TMEM63B: variants seen among roughly 807,000 people sequenced by gnomAD.
The protein encoded by TMEM63B is transmembrane protein 63B, also known as mechanosensitive cation channel TMEM63B.
Under a neutral mutation model 102.6 loss-of-function variants are expected in TMEM63B, and 23 were observed. The observed-to-expected ratio is 0.22, with a 90% CI of 0.16 to 0.32. The LOEUF is 0.32. Among genes scored for constraint, TMEM63B ranks in the 10% least tolerant of loss-of-function variants. TMEM63B has a pLI of 1.00. For missense variants in TMEM63B, 628 were observed against 1,095.9 expected (o/e 0.57, Z 6.03); for synonymous variants, 444 against 437.0 (o/e 1.02, Z -0.20).
intron 2 of TMEM63B, 122 bp downstream of exon 2, chr6:44,134,865 C>T (rs1762608949): frequency 2.7e-6 from 4 of 1,491,912 alleles, no homozygotes; most frequent in Admixed American, 1.8e-5. Flanking sequence ...GGAGGAGTCC[C>T]CATCATCCAG....
rs1422618117 is a variant in TMEM63B at position 44,148,201 on chromosome 6, C to T, written c.988-51C>T. 1.2e-6 allele frequency: 2 copies of T among 1,608,262 alleles called. No individual in the cohort carries two copies. The highest frequency in any genetic ancestry group is 2.2e-5 in the South Asian group (2 of 90,556). On this transcript the variant is annotated intron_variant, in intron 12 of 23. Coordinates refer to ENST00000323267, the MANE Select transcript of TMEM63B (RefSeq NM_018426.3). This position sits in a 1 kb window ranked among gnomAD's most constrained non-coding sequence, Gnocchi z 5.1. ...GTCAGCGTGGGCTGGATGCTGCAGG[C>T]CCCAGCCTGGCTTTCCAACTAGAGG... is the stretch of plus-strand genomic sequence containing the variant.
Position 44,148,150 on chromosome 6 carries a change from A to C in TMEM63B, c.988-102A>C, listed in dbSNP as rs1436520706. The C allele has an allele frequency of 6.6e-7, 1 of 1,518,146 alleles. No homozygotes were observed. The highest frequency in any genetic ancestry group is 8.9e-7 in the Non-Finnish European group (1 of 1,129,368). The allele number at this position is 1,518,146 out of a possible 1,614,324, so 94.0% of individuals were successfully genotyped here. ...AAAAAAAAAAAATGCTTAGAGGAGC[A>C]GTGCCTGGCTTGTAGGAAGCCCCAA... is the stretch of plus-strand genomic sequence containing the variant. On this transcript the variant is annotated intron_variant, in intron 12 of 23. Coordinates refer to ENST00000323267, the MANE Select transcript of TMEM63B (RefSeq NM_018426.3). The surrounding 1 kb of genome is among the most constrained non-coding windows in gnomAD (Gnocchi z 5.1).
At chr6:44,132,168 G>A (rs926820297) in intron 1 of TMEM63B, 8 of 816,816 alleles carry the variant, frequency 9.8e-6, no homozygotes, top group Non-Finnish European at 1.2e-5. Flanking sequence ...CTTCCTCCCT[G>A]TAAAATGGGG....
rs752482974 is a variant in TMEM63B at position 44,147,459 on chromosome 6, T to G, written c.946T>G (p.Cys316Gly). ...NVPTMINPKP[C>G]GHLCCCVVRG... The stretch of plus-strand genomic sequence containing the variant: ...GCCTACCATGATCAACCCCAAGCCC[T>G]GTGGCCACCTCTGCTGCTGTGTGGT... Residue 316 changes from cysteine to glycine, a missense_variant, in exon 12 of 24, where the codon TGT (cysteine) becomes GGT (glycine). Cys to Gly is a radical substitution (Grantham distance 159). Around this residue, in one of 6 missense-constraint regions of TMEM63B, gnomAD observed 336 missense variants for 580.3 expected, o/e 0.58. Coordinates refer to ENST00000323267, the MANE Select transcript of TMEM63B (RefSeq NM_018426.3). 1 of 1,614,102 alleles carries G rather than the reference T, an allele frequency of 6.2e-7. No individual in the cohort carries two copies. Among genetic ancestry groups the G allele is most frequent in the South Asian group, 1.1e-5 (1 of 91,078 alleles).
chr6:44,139,356 A>T, intron 6 of TMEM63B, 111 bp from the exon 7 acceptor site: 1 of 1,336,850 alleles, frequency 7.5e-7, no homozygotes, highest in Non-Finnish European at 1.0e-6. Flanking sequence ...CTGCCAGATC[A>T]GCTGGAGCTA....
In TMEM63B at chr6:44,135,378, A is replaced by G; in HGVS notation, c.278+12A>G. 2 of 1,608,458 alleles carry G rather than the reference A, an allele frequency of 1.2e-6. No homozygotes were observed. Among genetic ancestry groups the G allele is most frequent in the South Asian group, 1.1e-5 (1 of 90,414 alleles). ...GTGGAACAGGAATAGTATGTGGGGC[A>G]CCAGCCCCCTCATTCCCACTAAACC... On this transcript the variant is annotated intron_variant, in intron 4 of 23. Coordinates refer to ENST00000323267, the MANE Select transcript of TMEM63B (RefSeq NM_018426.3).
In TMEM63B at chr6:44,150,413, A is replaced by C; in HGVS notation, c.1607+103A>C. The stretch of plus-strand genomic sequence containing the variant: ...ACCTCCCCTACAAAGCAAGGGGCCC[A>C]AGATGGGAAGCCTGGCCACCCCCAG... On this transcript the variant is annotated intron_variant, in intron 17 of 23. Coordinates refer to ENST00000323267, the MANE Select transcript of TMEM63B (RefSeq NM_018426.3). This position sits in a 1 kb window ranked among gnomAD's most constrained non-coding sequence, Gnocchi z 4.7. The C allele has an allele frequency of 1.4e-6, 2 of 1,463,308 alleles. No homozygotes were observed. Among genetic ancestry groups the C allele is most frequent in the Non-Finnish European group, 1.9e-6 (2 of 1,047,024 alleles). The allele number at this position is 1,463,308 out of a possible 1,614,324, so 90.6% of individuals were successfully genotyped here.
Position 44,135,106 on chromosome 6 carries a change from T to TG in TMEM63B, c.239+13dup, listed in dbSNP as rs1762650807. Reference sequence around the variant, plus strand: ...TGACAGATGCAGACAGGTAAGGGTCTGGGACCCTCCCTCTAGCTCTCCACA... The same window carrying TG: ...TGACAGATGCAGACAGGTAAGGGTCTGGGGACCCTCCCTCTAGCTCTCCACA... On this transcript the variant is annotated intron_variant, in intron 3 of 23. Transcript: ENST00000323267. 1 of 1,613,806 alleles carries TG rather than the reference T, an allele frequency of 6.2e-7. No individual in the cohort carries two copies. The highest frequency in any genetic ancestry group is 1.7e-5 in the Admixed American group (1 of 60,002).
At chr6:44,129,452 C>G (rs1353834976) in intron 1 of TMEM63B, among the ~76,000 whole-genome samples, 1 of 151,654 alleles carries the variant, frequency 6.6e-6, no homozygotes, top group African/African-American at 2.4e-5. Context: ...GGGAATCAAA[C>G]AAGGTAACAG....
At position 44,155,211 on chromosome 6, in the gene TMEM63B, T is replaced by C. The variant is rs568395261; in HGVS notation, c.*328T>C. The C allele has an allele frequency of 6.2e-4, 106 of 170,746 alleles. 2 individuals carry two copies. The highest frequency in any genetic ancestry group is 2.3e-3 in the African/African-American group (99 of 42,200). The allele number at this position is 170,746 out of a possible 1,614,324, so 10.6% of individuals were successfully genotyped here. Reference sequence around the variant, plus strand: ...AGCCAAGAGGAGTACCTGGTGCACCTGGTGCCGGTGGCTGGAGACCTGGGG... The same window carrying C: ...AGCCAAGAGGAGTACCTGGTGCACCCGGTGCCGGTGGCTGGAGACCTGGGG... On this transcript the variant is annotated 3_prime_UTR_variant, in exon 24 of 24. Coordinates refer to ENST00000323267, the MANE Select transcript of TMEM63B (RefSeq NM_018426.3).
intron 1 of TMEM63B, among the ~76,000 whole-genome samples, chr6:44,130,278 T>C (rs1435740807): frequency 3.9e-5 from 6 of 152,202 alleles, no homozygotes; most frequent in Non-Finnish European, 7.3e-5. Context: ...GAGCAGCTCA[T>C]ATACTCTCTC....
intron 10 of TMEM63B, among the ~76,000 whole-genome samples, chr6:44,142,679 G>A (rs1311491628): frequency 6.6e-6 from 1 of 152,066 alleles, no homozygotes; most frequent in Non-Finnish European, 1.5e-5. Context: ...AAGGATGCTG[G>A]TGGTCTGGAT....
chr6:44,139,502 C>G lies in TMEM63B; in HGVS notation c.443C>G (p.Ala148Gly). The part of the protein sequence containing the change: ...DEIRDKCGGD[A>G]VHYLSFQRHI... ...ATCCGGGACAAATGTGGGGGCGATG[C>G]CGTGCACTACCTGTCCTTTCAGCGG... Residue 148 changes from alanine (A) to glycine (G), a missense_variant, in exon 7 of 24, where the codon GCC becomes GGC. Physicochemically the swap from Ala to Gly is moderately conservative, Grantham distance 60. Around this residue, in one of 6 missense-constraint regions of TMEM63B, gnomAD observed 336 missense variants for 580.3 expected, o/e 0.58. Transcript: ENST00000323267. 1 of 1,614,198 alleles carries G rather than the reference C, an allele frequency of 6.2e-7. No homozygotes were observed. Among genetic ancestry groups the G allele is most frequent in the Non-Finnish European group, 8.5e-7 (1 of 1,180,042 alleles).
At position 44,154,438 on chromosome 6, in the gene TMEM63B, A is replaced by G. The variant is rs781263634; in HGVS notation, c.2300A>G (p.Lys767Arg). 11 of 1,613,860 alleles carry G rather than the reference A, an allele frequency of 6.8e-6. No individual in the cohort carries two copies. Among genetic ancestry groups the G allele is most frequent in the African/African-American group, 2.7e-5 (2 of 74,908 alleles). ...CCCCCCACTGCTGCTGCTGTCCCCAAATCTGCGGTGAGTGCCCTCAAGGGT... is the reference window on the plus strand; with the variant it reads ...CCCCCCACTGCTGCTGCTGTCCCCAGATCTGCGGTGAGTGCCCTCAAGGGT... ...GRPPTAAAVPKSAKYIAQVLQ... is the reference protein window; with the variant it reads ...GRPPTAAAVPRSAKYIAQVLQ... Residue 767 changes from lysine (K) to arginine (R), a missense_variant, in exon 23 of 24, where the codon AAA becomes AGA. Lys to Arg is a conservative substitution (Grantham distance 26, BLOSUM62 2). Around this residue, in one of 6 missense-constraint regions of TMEM63B, gnomAD observed 129 missense variants for 153.5 expected, o/e 0.84. Coordinates refer to ENST00000323267, the MANE Select transcript of TMEM63B (RefSeq NM_018426.3).
At chr6:44,146,967 C>G in intron 11 of TMEM63B, 40 bp downstream of exon 11, 12 of 1,604,196 alleles carry the variant, frequency 7.5e-6, no homozygotes, top group Non-Finnish European at 8.5e-6. Flanking sequence ...ACCAAGGGCC[C>G]CCTGCCATTG....
At chr6:44,145,086 C>G (rs1322745256) in intron 10 of TMEM63B, among the ~76,000 whole-genome samples, 1 of 151,616 alleles carries the variant, frequency 6.6e-6, no homozygotes, top group African/African-American at 2.4e-5. Context: ...ACCAGCCTGG[C>G]CAAGATGGTG....
chr6:44,135,285 C>T lies in TMEM63B; in HGVS notation c.240-43C>T, dbSNP rs1582769264. On this transcript the variant is annotated intron_variant, in intron 3 of 23. Transcript: ENST00000323267. The stretch of plus-strand genomic sequence containing the variant: ...CCTGTTCCTCACCTGTCCCCAGGGA[C>T]TCTCCCCCGCCCCTGCTAACCCTGT... 1.3e-5 allele frequency: 20 copies of T among 1,598,938 alleles called. No homozygotes were observed. In the African/African-American group the frequency reaches 2.0e-4, roughly 16 times the overall value.
At position 44,136,367 on chromosome 6, in the gene TMEM63B, C is replaced by A; in HGVS notation, c.297C>A (p.His99Gln). Residue 99 changes from histidine (H) to glutamine (Q), a missense_variant, in exon 5 of 24, where the codon CAC (histidine) becomes CAA (glutamine). Physicochemically the swap from His to Gln is conservative, Grantham distance 24 (BLOSUM62 0). Around this residue, in one of 6 missense-constraint regions of TMEM63B, gnomAD observed 336 missense variants for 580.3 expected, o/e 0.58. Transcript: ENST00000323267. ...CCCCCAGTGTGGCTTCAGCTATGCA[C>A]GGGGACAGCCATGACCGGTATGAGC... ...VEQEYVASAM[H>Q]GDSHDRYERL... 1.2e-6 allele frequency: 2 copies of A among 1,614,092 alleles called. No individual in the cohort carries two copies. Among genetic ancestry groups the A allele is most frequent in the South Asian group, 2.2e-5 (2 of 91,080 alleles).
At position 44,148,417 on chromosome 6, in the gene TMEM63B, C is replaced by T. The variant is rs745991619; in HGVS notation, c.1121+32C>T. 3.1e-6 allele frequency: 5 copies of T among 1,613,998 alleles called. No individual in the cohort carries two copies. The highest frequency in any genetic ancestry group is 4.2e-6 in the Non-Finnish European group (5 of 1,179,890). ...CCCCAACTCGGCCCTCGGCCCTGAG[C>T]AGCCCTCCAGGGCTCCCTGACCCCT... On this transcript the variant is annotated intron_variant, in intron 13 of 23. Transcript: ENST00000323267. This position sits in a 1 kb window ranked among gnomAD's most constrained non-coding sequence, Gnocchi z 5.1.
Sources: allele counts gnomAD v4.1 joint callset (sites outside exome capture counted in the v4.1 genomes callset), GRCh38; gene constraint gnomAD v4.1.1; regional missense constraint gnomAD v4.1.1; non-coding constraint Gnocchi (gnomAD v3.1); transcripts MANE v1.5; gene names NCBI Gene and HGNC (gene_info 2026-07-23, HGNC 2026-07-21).